KCNAB1: variants seen among roughly 807,000 people sequenced by gnomAD.
KCNAB1 encodes potassium voltage-gated channel subfamily A regulatory beta subunit 1, also known as voltage-gated potassium channel subunit beta-1.
KCNAB1 carries 35 observed loss-of-function variants against 64.6 expected under a neutral mutation model. The ratio of observed to expected loss-of-function variants is 0.54; its 90% CI spans 0.41 to 0.72. The LOEUF (loss-of-function observed/expected upper bound fraction) is 0.72. Ranked by LOEUF, KCNAB1 falls within the 30% of genes least tolerant of loss-of-function variation. The pLI is 0.00. For synonymous variants in KCNAB1, 177 were observed against 183.8 expected (o/e 0.96, Z 0.30); for missense variants, 401 against 512.9 (o/e 0.78, Z 2.11).
intron 1 of KCNAB1, among the ~76,000 whole-genome samples, chr3:156,150,220 AT>A (rs1419813693): frequency 1.3e-5 from 2 of 152,238 alleles, no homozygotes; most frequent in African/African-American, 4.8e-5. Flanking sequence ...AAAGGGGCTT[AT>A]TCAAAACAAA....
intron 1 of KCNAB1, among the ~76,000 whole-genome samples, chr3:156,123,362 A>G (rs564038626): frequency 6.6e-6 from 1 of 152,364 alleles, no homozygotes; most frequent in African/African-American, 2.4e-5. Flanking sequence ...AGATGGAATT[A>G]AAATATTTTA....
intron 8 of KCNAB1, among the ~76,000 whole-genome samples, chr3:156,495,800 C>T (rs1715972150): frequency 6.6e-6 from 1 of 152,144 alleles, no homozygotes; most frequent in African/African-American, 2.4e-5. Flanking sequence ...TTACAGGTAC[C>T]ATATGTGTTA....
At chr3:156,440,178 C>T (rs943972017) in intron 2 of KCNAB1, among the ~76,000 whole-genome samples, 4 of 152,118 alleles carry the variant, frequency 2.6e-5, no homozygotes, top group Non-Finnish European at 4.4e-5. Context: ...TTGTTAATCT[C>T]GAAACTGTCT....
At chr3:156,157,228 T>G (rs1050457630) in intron 1 of KCNAB1, among the ~76,000 whole-genome samples, 3 of 152,194 alleles carry the variant, frequency 2.0e-5, no homozygotes, top group African/African-American at 4.8e-5. Flanking sequence ...AAGACCCATA[T>G]ATGCATGTAG....
At chr3:156,155,834 C>CA (rs1472723471) in intron 1 of KCNAB1, among the ~76,000 whole-genome samples, 1 of 152,234 alleles carries the variant, frequency 6.6e-6, no homozygotes, top group East Asian at 1.9e-4. Context: ...TTTATTACAG[C>CA]AAAAAGATAC....
Position 156,127,912 on chromosome 3 carries a change from T to TGTGTGC in KCNAB1, c.275+7031_275+7032insCGTGTG, listed in dbSNP as rs1553805280. On this transcript the variant is annotated intron_variant, in intron 1 of 13. Coordinates refer to ENST00000490337, the MANE Select transcript of KCNAB1 (RefSeq NM_172160.3). Reference sequence around the variant, plus strand: ...GTGTGTGTGTGTGTGTGTGTGTGTGTGTGTGTGCACGTGCGTGCGCACCTG... The same window carrying TGTGTGC: ...GTGTGTGTGTGTGTGTGTGTGTGTGTGTGTGCGTGTGTGCACGTGCGTGCGCACCTG... Among the ~76,000 whole-genome samples, 5 of 152,170 alleles carry TGTGTGC rather than the reference T, an allele frequency of 3.3e-5. No homozygotes were observed. In the East Asian group the frequency reaches 9.7e-4, roughly 29 times the overall value.
chr3:156,213,215 C>CTTT (rs5853744), intron 1 of KCNAB1, among the ~76,000 whole-genome samples: 22 of 142,900 alleles, frequency 1.5e-4, no homozygotes, highest in African/African-American at 4.1e-4. Context: ...GTCTCTTTCA[C>CTTT]TTTTTTTTTT....
In KCNAB1 at chr3:156,445,520, G is replaced by A. The variant is rs538370165; in HGVS notation, c.320-7379G>A. Among the ~76,000 whole-genome samples, 21 of 152,136 alleles carry A rather than the reference G, an allele frequency of 1.4e-4. 1 individual carries two copies. The highest frequency in any genetic ancestry group is 8.3e-4 in the South Asian group (4 of 4,830). On this transcript the variant is annotated intron_variant, in intron 2 of 13. Coordinates refer to ENST00000490337, the MANE Select transcript of KCNAB1 (RefSeq NM_172160.3). ...ATATCCCCCCAGGATATTCAAATGC[G>A]CAGTTGTGGTTAAAAACCTCTTGTT...
At chr3:156,297,791 C>CGT (rs986234099) in intron 1 of KCNAB1, among the ~76,000 whole-genome samples, 19 of 151,352 alleles carry the variant, frequency 1.3e-4, no homozygotes, top group African/African-American at 4.1e-4. Context: ...TGCTCGTGTG[C>CGT]GTGTGTGTGT....
chr3:156,132,960 G>T (rs1366072674), intron 1 of KCNAB1, among the ~76,000 whole-genome samples: 2 of 152,172 alleles, frequency 1.3e-5, no homozygotes, highest in Admixed American at 1.3e-4. Flanking sequence ...TGAGGAATTT[G>T]GAGAATAATA....
intron 3 of KCNAB1, among the ~76,000 whole-genome samples, chr3:156,455,513 T>A (rs945445107): frequency 1.3e-5 from 2 of 152,236 alleles, no homozygotes; most frequent in Admixed American, 6.5e-5. Context: ...CTTAAAATAA[T>A]GATGAGAGCA....
At chr3:156,246,634 CAAAAA>C (rs11293726) in intron 1 of KCNAB1, among the ~76,000 whole-genome samples, 1 of 125,978 alleles carries the variant, frequency 7.9e-6, no homozygotes, top group Non-Finnish European at 1.6e-5. Flanking sequence ...AAAAAAGCAG[CAAAAA>C]AAAAAAAAAA....
chr3:156,521,389 T>C (rs1717930928), intron 11 of KCNAB1, among the ~76,000 whole-genome samples: 1 of 152,202 alleles, frequency 6.6e-6, no homozygotes, highest in Non-Finnish European at 1.5e-5. Flanking sequence ...AGATTTATTT[T>C]GACTCCACGG....
At chr3:156,531,358 T>C in intron 12 of KCNAB1, 51 bp from the exon 13 acceptor site, 2 of 1,325,460 alleles carry the variant, frequency 1.5e-6, no homozygotes, top group Middle Eastern at 1.8e-4. Context: ...TATAAGCTAA[T>C]CAACGATTGG....
In KCNAB1 at chr3:156,400,067, G is replaced by C. The variant is rs76295657; in HGVS notation, c.276-21549G>C. 4.8e-3 allele frequency among the ~76,000 whole-genome samples: 735 copies of C among 152,250 alleles called. 6 individuals are homozygous for C. The highest frequency in any genetic ancestry group is 0.017 in the African/African-American group (698 of 41,530). On this transcript the variant is annotated intron_variant, in intron 1 of 13. Coordinates refer to ENST00000490337, the MANE Select transcript of KCNAB1 (RefSeq NM_172160.3). ...GAGAGTTGAGATGAATCCACAATTA[G>C]TTTTCCATGTGATTTCCAAATGTGA...
intron 1 of KCNAB1, chr3:156,176,160 T>C (rs1391213212): frequency 3.9e-6 from 3 of 771,952 alleles, no homozygotes. Flanking sequence ...TATTGTCCAT[T>C]GCATTGGACA....
intron 1 of KCNAB1, chr3:156,290,878 C>A (rs1443758678): frequency 2.4e-6 from 2 of 845,590 alleles, no homozygotes; most frequent in Non-Finnish European, 2.8e-6. Flanking sequence ...GGAAACCAAA[C>A]TTATCTGCTT....
intron 2 of KCNAB1, among the ~76,000 whole-genome samples, chr3:156,426,412 C>A (rs950870348): frequency 3.3e-5 from 5 of 152,334 alleles, no homozygotes; most frequent in Non-Finnish European, 7.3e-5. Context: ...CATAACCTCC[C>A]TCGTTATCAG....
At chr3:156,202,388 T>G (rs566705658) in intron 1 of KCNAB1, among the ~76,000 whole-genome samples, 1 of 152,212 alleles carries the variant, frequency 6.6e-6, no homozygotes, top group African/African-American at 2.4e-5. Context: ...TGTTCTCGGC[T>G]TCCTCCTCCT....
Sources: gnomAD v4.1 joint callset for allele counts (sites outside exome capture counted in the v4.1 genomes callset) on GRCh38, gnomAD v4.1.1 for gene constraint, MANE v1.5 for transcripts, NCBI Gene and HGNC (gene_info 2026-07-23, HGNC 2026-07-21) for gene names.